AKR1C3: variants seen among roughly 807,000 people sequenced by gnomAD.
The protein encoded by AKR1C3 is aldo-keto reductase family 1 member C3.
Under a neutral mutation model 43.6 loss-of-function variants are expected in AKR1C3, and 48 were observed. That is an observed-to-expected ratio of 1.10 (90% CI 0.87 to 1.40). The LOEUF is 1.40. AKR1C3 is among the 40% of genes most tolerant of loss of function. AKR1C3 has a pLI of 0.00. For synonymous variants in AKR1C3, 162 were observed against 139.6 expected (o/e 1.16, Z -1.13); for missense variants, 482 against 391.2 (o/e 1.23, Z -1.96).
At chr10:5,051,608 G>A (rs148852531) in intron 1 of AKR1C3, among the ~76,000 whole-genome samples, 2 of 152,278 alleles carry the variant, frequency 1.3e-5, no homozygotes, top group South Asian at 2.1e-4. Context: ...TTCATATCAC[G>A]CATTATTCTT....
At position 5,048,986 on chromosome 10, in the gene AKR1C3, A is replaced by G. The variant is rs58845800; in HGVS notation, c.84+91A>G. The G allele has an allele frequency of 9.7e-3, 9,403 of 974,124 alleles. 595 individuals are homozygous for G. In the African/African-American group the frequency reaches 0.13, roughly 14 times the overall value. The allele number at this position is 974,124 out of a possible 1,614,324, so 60.3% of individuals were successfully genotyped here. A position where few individuals can be genotyped will look rare whatever the true frequency, so the allele number is the denominator to read the frequency against. On this transcript the variant is annotated intron_variant, in intron 1 of 8. Coordinates refer to the AKR1C3 transcript ENST00000439082. ...TGGGTTGTCAGGTTTGTGTTCGTGT[A>G]TTACTCTGCATGACTCCAACCTGAG...
intron 1 of AKR1C3, among the ~76,000 whole-genome samples, chr10:5,083,892 G>C (rs531356149): frequency 6.6e-6 from 1 of 152,190 alleles, no homozygotes; most frequent in East Asian, 1.9e-4. Flanking sequence ...AGAAGTGTCT[G>C]TTCATATACT....
chr10:5,058,960 A>C (rs1405560908), intron 1 of AKR1C3, among the ~76,000 whole-genome samples: 5 of 152,200 alleles, frequency 3.3e-5, no homozygotes, highest in African/African-American at 1.2e-4. Context: ...GTTATGCCCC[A>C]AAAATGAAGT....
chr10:5,068,787 A>C (rs574810390), intron 1 of AKR1C3, among the ~76,000 whole-genome samples: 101 of 152,302 alleles, frequency 6.6e-4, no homozygotes, highest in African/African-American at 2.2e-3. Flanking sequence ...CCTCCCAAGA[A>C]GGCCTCTTTC....
intron 1 of AKR1C3, among the ~76,000 whole-genome samples, chr10:5,051,577 C>G (rs960030547): frequency 6.6e-6 from 1 of 152,228 alleles, no homozygotes; most frequent in Non-Finnish European, 1.5e-5. Flanking sequence ...GTGCTACCCC[C>G]CAGTAATGGA....
chr10:5,075,507 A>G (rs1483914584), intron 1 of AKR1C3, among the ~76,000 whole-genome samples: 1 of 152,042 alleles, frequency 6.6e-6, no homozygotes, highest in Non-Finnish European at 1.5e-5. Flanking sequence ...ACCATAAAGG[A>G]TTGATCTACT....
chr10:5,102,465 C>G lies in AKR1C3; in HGVS notation c.681-20C>G, dbSNP rs11252941. On this transcript the variant is annotated intron_variant, in intron 6 of 8. Transcript: ENST00000380554. ...CTATCGCCAGCCTCAGGGCCTCAGC[C>G]TTTCTGCCTTTCCTTCCAGGGTGGA... 0.31 allele frequency: 452,237 copies of G among 1,463,758 alleles called. 78,461 individuals are homozygous for G. Among genetic ancestry groups the G allele is most frequent in the Non-Finnish European group, 0.34 (374,185 of 1,084,786 alleles). The allele number at this position is 1,463,758 out of a possible 1,614,324, so 90.7% of individuals were successfully genotyped here.
At chr10:5,107,225 A>G (rs890998650) in intron 8 of AKR1C3, among the ~76,000 whole-genome samples, 3 of 152,116 alleles carry the variant, frequency 2.0e-5, no homozygotes, top group Non-Finnish European at 4.4e-5. Flanking sequence ...ATATACTTGA[A>G]TATTTGACTT....
intron 1 of AKR1C3, among the ~76,000 whole-genome samples, chr10:5,063,330 T>C (rs1838420300): frequency 6.6e-6 from 1 of 152,154 alleles, no homozygotes; most frequent in South Asian, 2.1e-4. Context: ...TGCTATGATT[T>C]TATTAAATCG....
At chr10:5,091,137 A>T (rs1839078162), upstream of AKR1C3, among the ~76,000 whole-genome samples, 1 of 152,050 alleles carries the variant, frequency 6.6e-6, no homozygotes, top group African/African-American at 2.4e-5. Context: ...ACGGAGTAAA[A>T]TGAGGGTTAT....
chr10:5,097,907 T>C, intron 3 of AKR1C3: 1 of 1,074,222 alleles, frequency 9.3e-7, no homozygotes, highest in Non-Finnish European at 1.1e-6. Context: ...CTGCTGCACA[T>C]GTGATGCACA....
chr10:5,069,901 C>G (rs367763041), intron 1 of AKR1C3, among the ~76,000 whole-genome samples: 1 of 152,106 alleles, frequency 6.6e-6, no homozygotes, highest in African/African-American at 2.4e-5. Context: ...AGAGCCCTTC[C>G]GCCTTCTGCG....
chr10:5,082,394 T>C (rs1554782451), intron 1 of AKR1C3, among the ~76,000 whole-genome samples: 2 of 152,184 alleles, frequency 1.3e-5, no homozygotes, highest in South Asian at 2.1e-4. Context: ...TCAAGTTTTC[T>C]CCATGCAATA....
chr10:5,077,763 C>A, intron 1 of AKR1C3: 5 of 1,040,318 alleles, frequency 4.8e-6, no homozygotes, highest in South Asian at 7.7e-5. Context: ...ACTGCCAGTG[C>A]CCATTTAGTT....
At chr10:5,083,150 T>C (rs1187847495) in intron 1 of AKR1C3, among the ~76,000 whole-genome samples, 1 of 152,160 alleles carries the variant, frequency 6.6e-6, no homozygotes, top group Non-Finnish European at 1.5e-5. Context: ...TATGTATACA[T>C]GTGCCATGTT....
intron 1 of AKR1C3, among the ~76,000 whole-genome samples, chr10:5,051,376 C>A (rs1339081756): frequency 1.3e-5 from 2 of 152,200 alleles, no homozygotes; most frequent in African/African-American, 4.8e-5. Flanking sequence ...GGATTACAGG[C>A]ATGAGCCACT....
In AKR1C3 at chr10:5,085,472, G is replaced by A. The variant is rs1397325953; in HGVS notation, c.85-10938G>A. ...GCTTTTTGATGTGCTGCTGGATTCGGTTTGCCAGTATTTTATTGAGGATTT... is the reference window on the plus strand; with the variant it reads ...GCTTTTTGATGTGCTGCTGGATTCGATTTGCCAGTATTTTATTGAGGATTT... On this transcript the variant is annotated intron_variant, in intron 1 of 8. Transcript: ENST00000439082. Among the ~76,000 whole-genome samples the A allele has an allele frequency of 4.6e-5, 7 of 151,958 alleles. 1 individual carries two copies. Among genetic ancestry groups the A allele is most frequent in the African/African-American group, 1.7e-4 (7 of 41,278 alleles).
chr10:5,061,103 G>A (rs1218811119), intron 1 of AKR1C3, among the ~76,000 whole-genome samples: 10 of 152,224 alleles, frequency 6.6e-5, no homozygotes, highest in African/African-American at 1.2e-4. Flanking sequence ...GTGCAGCGGC[G>A]GGCTGAAGGG....
At chr10:5,077,801 A>G (rs1477012576) in intron 1 of AKR1C3, 2 of 690,144 alleles carry the variant, frequency 2.9e-6, no homozygotes, top group Non-Finnish European at 2.1e-6. Context: ...TTGAGGTTGA[A>G]GCAAATCTGA....
Sources: gnomAD v4.1 joint callset for allele counts (sites outside exome capture counted in the v4.1 genomes callset) on GRCh38, gnomAD v4.1.1 for gene constraint, MANE v1.5 for transcripts, NCBI Gene and HGNC (gene_info 2026-07-23, HGNC 2026-07-21) for gene names.